Variants in RBFOX1 observed in about 807,000 individuals in gnomAD.
The protein encoded by RBFOX1 is RNA binding fox-1 homolog 1, also known as RNA binding protein fox-1 homolog 1.
In RBFOX1, 8 loss-of-function variants were observed where a neutral mutation model predicts 57.7. That is an observed-to-expected ratio of 0.14 (90% confidence interval 0.08 to 0.25). RBFOX1 has a LOEUF of 0.25. RBFOX1 is among the 10% of genes least tolerant of loss of function. The probability of loss-of-function intolerance (pLI) is 1.00; values close to 1 mark genes in which losing one functional copy is unlikely to be tolerated. For synonymous variants in RBFOX1, 326 were observed against 222.4 expected (o/e 1.47, Z -4.15); for missense variants, 611 against 548.5 (o/e 1.11, Z -1.14).
intron 1 of RBFOX1, among the ~76,000 whole-genome samples, chr16:5,363,143 C>T (rs946418169): frequency 8.0e-5 from 12 of 150,436 alleles, no homozygotes; most frequent in African/African-American, 2.7e-4. Context: ...AAGCGAGTCT[C>T]CTGCTTCAGC....
rs190972820 is a variant in RBFOX1 at position 6,003,510 on chromosome 16, C to G, written c.351+136175C>G. Among the ~76,000 whole-genome samples the G allele has an allele frequency of 2.3e-3, 347 of 150,614 alleles. 2 individuals carry two copies. Among genetic ancestry groups the G allele is most frequent in the African/African-American group, 8.0e-3 (327 of 40,980 alleles). The stretch of plus-strand genomic sequence containing the variant: ...CGGCCCATTGTTTGAGACCTAGGCA[C>G]AAGGATGACTTCATTGACAGGAGTC... On this transcript the variant is annotated intron_variant, in intron 4 of 19. Transcript: ENST00000641259.
At chr16:7,027,361 A>G (rs2041270666) in intron 3 of RBFOX1, among the ~76,000 whole-genome samples, 1 of 152,166 alleles carries the variant, frequency 6.6e-6, no homozygotes, top group African/African-American at 2.4e-5. Flanking sequence ...TGCTTAAAGT[A>G]TTTTTTAGAT....
intron 14 of RBFOX1, among the ~76,000 whole-genome samples, chr16:7,694,385 G>C (rs1401804629): frequency 6.6e-6 from 1 of 152,170 alleles, no homozygotes; most frequent in Non-Finnish European, 1.5e-5. Flanking sequence ...TGGTGAGAAT[G>C]AATGAATGAA....
chr16:5,680,381 CTT>C (rs1339321112), intron 3 of RBFOX1, among the ~76,000 whole-genome samples: 1 of 152,190 alleles, frequency 6.6e-6, no homozygotes, highest in African/African-American at 2.4e-5. Context: ...TCAGATCTCT[CTT>C]TTCACGGATA....
chr16:5,775,228 C>T (rs990980891), intron 3 of RBFOX1, among the ~76,000 whole-genome samples: 2 of 152,168 alleles, frequency 1.3e-5, no homozygotes, highest in Admixed American at 6.5e-5. Flanking sequence ...AAATGTATCT[C>T]CTTACTCAAC....
chr16:5,461,841 GGCATTTAT>G (rs2151596210), intron 1 of RBFOX1, among the ~76,000 whole-genome samples: 1 of 152,308 alleles, frequency 6.6e-6, no homozygotes, highest in African/African-American at 2.4e-5. Context: ...AGAAGGGCCA[GGCATTTAT>G]CTTTGAGAGC....
At chr16:5,407,836 A>G (rs2066907481) in intron 1 of RBFOX1, among the ~76,000 whole-genome samples, 1 of 152,142 alleles carries the variant, frequency 6.6e-6, no homozygotes, top group African/African-American at 2.4e-5. Context: ...GGCGTGAGCC[A>G]CTGCACATGG....
intron 1 of RBFOX1, among the ~76,000 whole-genome samples, chr16:5,408,413 G>T (rs1189106954): frequency 6.6e-6 from 1 of 152,188 alleles, no homozygotes; most frequent in African/African-American, 2.4e-5. Context: ...GGGTGCCGCG[G>T]TATGAATAGA....
At chr16:6,662,127 G>T (rs1249571503) in intron 3 of RBFOX1, among the ~76,000 whole-genome samples, 3 of 69,834 alleles carry the variant, frequency 4.3e-5, no homozygotes, top group African/African-American at 9.5e-5. Flanking sequence ...GCCGAGGGCT[G>T]GGGGCGGGGT....
chr16:7,267,524 A>T (rs1308515736), intron 4 of RBFOX1, among the ~76,000 whole-genome samples: 2 of 152,032 alleles, frequency 1.3e-5, no homozygotes, highest in Non-Finnish European at 2.9e-5. Flanking sequence ...CAACAGAGTG[A>T]GACTCTATCT....
chr16:6,078,741 T>A lies in RBFOX1; in HGVS notation c.-127+58749T>A, dbSNP rs561696752. 3.9e-5 allele frequency among the ~76,000 whole-genome samples: 6 copies of A among 152,340 alleles called. No homozygotes were observed. The South Asian group carries it at 1.2e-3, about 32-fold the overall frequency. ...CACAAATGGTAGCTATCAATGTTGT[T>A]ATTTGATGATCCAGAATATGTATTG... On this transcript the variant is annotated intron_variant, in intron 1 of 15. Transcript: ENST00000550418.
At chr16:7,470,504 G>A (rs988814678) in intron 4 of RBFOX1, among the ~76,000 whole-genome samples, 1 of 151,914 alleles carries the variant, frequency 6.6e-6, no homozygotes, top group African/African-American at 2.4e-5. Context: ...TGGAAGAATG[G>A]TTGGATGGAT....
intron 2 of RBFOX1, among the ~76,000 whole-genome samples, chr16:6,405,715 G>A (rs1414392778): frequency 6.6e-6 from 1 of 152,162 alleles, no homozygotes; most frequent in East Asian, 1.9e-4. Context: ...ATGACAAACT[G>A]TAATTCCACA....
intron 6 of RBFOX1, among the ~76,000 whole-genome samples, chr16:7,583,196 G>C (rs1247611136): frequency 2.0e-5 from 3 of 147,554 alleles, no homozygotes; most frequent in African/African-American, 5.0e-5. Context: ...CCTTGGGCAA[G>C]ATATATGGCT....
chr16:6,545,484 T>C (rs1005322937), intron 2 of RBFOX1, among the ~76,000 whole-genome samples: 16 of 152,106 alleles, frequency 1.1e-4, no homozygotes, highest in African/African-American at 3.9e-4. Flanking sequence ...GACGTGTGCC[T>C]CTCCTTCTGC....
intron 14 of RBFOX1, among the ~76,000 whole-genome samples, chr16:7,690,646 G>A (rs999169476): frequency 6.8e-6 from 1 of 146,318 alleles, no homozygotes; most frequent in South Asian, 2.3e-4. Context: ...CCACTGTCCA[G>A]AATATACCTG....
chr16:6,369,120 G>A (rs2152888122), intron 2 of RBFOX1, among the ~76,000 whole-genome samples: 1 of 152,302 alleles, frequency 6.6e-6, no homozygotes, highest in Middle Eastern at 3.4e-3. Flanking sequence ...ATATATGTTT[G>A]TCAGGGATAA....
intron 3 of RBFOX1, among the ~76,000 whole-genome samples, chr16:6,832,696 C>G (rs2092794700): frequency 6.6e-6 from 1 of 152,190 alleles, no homozygotes; most frequent in Admixed American, 6.5e-5. Context: ...ATAAGTTTCT[C>G]CACTTGCCCT....
At chr16:7,266,015 C>T (rs1371390603) in intron 4 of RBFOX1, among the ~76,000 whole-genome samples, 1 of 132,116 alleles carries the variant, frequency 7.6e-6, no homozygotes, top group East Asian at 2.3e-4. Context: ...TGCTGTGTTG[C>T]CCAGGCTGGA....
Sources: allele counts gnomAD v4.1 joint callset (sites outside exome capture counted in the v4.1 genomes callset), GRCh38; gene constraint gnomAD v4.1.1; transcripts MANE v1.5; gene names NCBI Gene and HGNC (gene_info 2026-07-23, HGNC 2026-07-21).